The following SLC39A11 variants were observed in gnomAD, a reference collection of about 807,000 sequenced individuals.
The protein encoded by SLC39A11 is solute carrier family 39 member 11, also known as zinc transporter ZIP11.
SLC39A11 carries 33 observed loss-of-function variants against 36.1 expected under a neutral mutation model. The observed-to-expected ratio is 0.91, with a 90% CI of 0.69 to 1.22. The LOEUF (loss-of-function observed/expected upper bound fraction) is 1.22. Ranked by LOEUF, SLC39A11 falls within the 50% of genes most tolerant of loss-of-function variation. SLC39A11 has a pLI of 0.00. For synonymous variants in SLC39A11, 166 were observed against 170.3 expected (o/e 0.97, Z 0.20); for missense variants, 432 against 430.3 (o/e 1.00, Z -0.03).
At chr17:72,728,327 G>T (rs1256779326) in intron 7 of SLC39A11, among the ~76,000 whole-genome samples, 2 of 152,048 alleles carry the variant, frequency 1.3e-5, no homozygotes, top group African/African-American at 4.8e-5. Context: ...AGCCCCAGCT[G>T]CTTGGGAGGG....
At chr17:72,721,269 G>A (rs181450152) in intron 7 of SLC39A11, among the ~76,000 whole-genome samples, 1 of 152,000 alleles carries the variant, frequency 6.6e-6, no homozygotes, top group East Asian at 1.9e-4. Flanking sequence ...GCTAATTTTT[G>A]TATTTTTACT....
intron 3 of SLC39A11, among the ~76,000 whole-genome samples, chr17:73,080,598 C>T (rs1307415286): frequency 2.0e-5 from 3 of 152,088 alleles, no homozygotes; most frequent in Non-Finnish European, 4.4e-5. Context: ...GACCAAGAAC[C>T]CAAAAGCAAA....
chr17:72,909,724 GTCTT>G (rs1048700173), intron 5 of SLC39A11, among the ~76,000 whole-genome samples: 2 of 149,324 alleles, frequency 1.3e-5, no homozygotes, highest in African/African-American at 2.5e-5. Context: ...TTGCTCAACT[GTCTT>G]TCTTTCTTTT....
At chr17:73,043,209 T>G (rs2059165994) in intron 3 of SLC39A11, among the ~76,000 whole-genome samples, 1 of 152,170 alleles carries the variant, frequency 6.6e-6, no homozygotes, top group South Asian at 2.1e-4. Context: ...TTAGGAACTT[T>G]CTAGCTGGGA....
At chr17:72,959,732 T>A (rs1419213899) in intron 4 of SLC39A11, among the ~76,000 whole-genome samples, 1 of 152,076 alleles carries the variant, frequency 6.6e-6, no homozygotes, top group Non-Finnish European at 1.5e-5. Flanking sequence ...TTTTTTTAAA[T>A]ATATACTAAT....
chr17:72,696,121 T>C (rs76145472), intron 7 of SLC39A11, among the ~76,000 whole-genome samples: 3,089 of 152,074 alleles, frequency 0.02, 98 homozygotes, highest in African/African-American at 0.069. Flanking sequence ...AAAAAGTGTA[T>C]ATAATTACAG....
intron 7 of SLC39A11, among the ~76,000 whole-genome samples, chr17:72,675,505 A>C (rs1307650279): frequency 6.6e-6 from 1 of 152,174 alleles, no homozygotes; most frequent in African/African-American, 2.4e-5. Context: ...CAGTCAACAT[A>C]ATCTCCCAAC....
intron 5 of SLC39A11, among the ~76,000 whole-genome samples, chr17:72,908,693 G>A (rs984105229): frequency 3.3e-5 from 5 of 152,220 alleles, no homozygotes; most frequent in African/African-American, 1.2e-4. Context: ...GATGCTAGGT[G>A]CATGCCAAAT....
chr17:73,067,852 G>A (rs571181969), intron 3 of SLC39A11: 2 of 1,601,728 alleles, frequency 1.2e-6, no homozygotes, highest in Middle Eastern at 4.4e-4. Flanking sequence ...GTAGCAAGTT[G>A]ATTTTCTTTG....
At chr17:72,786,316 T>A (rs1165142795) in intron 6 of SLC39A11, among the ~76,000 whole-genome samples, 3 of 152,246 alleles carry the variant, frequency 2.0e-5, no homozygotes. Flanking sequence ...ATATCTTCGA[T>A]GCTGGCACTT....
intron 7 of SLC39A11, among the ~76,000 whole-genome samples, chr17:72,727,424 C>G (rs1403070907): frequency 6.6e-6 from 1 of 151,986 alleles, no homozygotes; most frequent in Non-Finnish European, 1.5e-5. Flanking sequence ...GAGGCCGAGG[C>G]GGGTGGATCA....
At chr17:72,677,266 A>G (rs1390624596) in intron 7 of SLC39A11, among the ~76,000 whole-genome samples, 4 of 152,212 alleles carry the variant, frequency 2.6e-5, no homozygotes, top group African/African-American at 4.8e-5. Context: ...GGCTAAGTAC[A>G]TAAAATCCAG....
intron 5 of SLC39A11, among the ~76,000 whole-genome samples, chr17:72,864,930 G>C (rs1252590566): frequency 1.3e-5 from 2 of 152,186 alleles, no homozygotes; most frequent in Non-Finnish European, 2.9e-5. Context: ...AGGGAGTAAA[G>C]ATGAAAGCAT....
At chr17:72,790,686 C>A (rs2076672072) in intron 6 of SLC39A11, among the ~76,000 whole-genome samples, 2 of 152,014 alleles carry the variant, frequency 1.3e-5, no homozygotes, top group Admixed American at 1.3e-4. Flanking sequence ...CATGTGCCAC[C>A]ACACCCAGCT....
chr17:72,760,464 A>C (rs766770043), intron 6 of SLC39A11, among the ~76,000 whole-genome samples: 4 of 152,198 alleles, frequency 2.6e-5, no homozygotes, highest in Non-Finnish European at 5.9e-5. Flanking sequence ...GGGCTCTGAA[A>C]CAGAGAGGTG....
At chr17:73,016,611 G>A (rs1460612108) in intron 4 of SLC39A11, among the ~76,000 whole-genome samples, 4 of 152,158 alleles carry the variant, frequency 2.6e-5, no homozygotes, top group Non-Finnish European at 4.4e-5. Context: ...TGGTATTACA[G>A]GCGTGAGCCA....
intron 4 of SLC39A11, among the ~76,000 whole-genome samples, chr17:72,967,370 CAGAG>C (rs72044418): frequency 0.053 from 5,853 of 110,132 alleles, 139 homozygotes; most frequent in Non-Finnish European, 0.072. Context: ...TAAGCATGCT[CAGAG>C]AGAGAGAGAG....
At chr17:72,925,244 A>G (rs560143397) in intron 5 of SLC39A11, among the ~76,000 whole-genome samples, 1 of 152,318 alleles carries the variant, frequency 6.6e-6, no homozygotes, top group East Asian at 1.9e-4. Flanking sequence ...TCTCTAGATG[A>G]ACAGCAACTA....
chr17:72,692,033 C>T (rs2344339), intron 7 of SLC39A11, among the ~76,000 whole-genome samples: 36,511 of 147,398 alleles, frequency 0.25, 4,860 homozygotes, highest in Non-Finnish European at 0.31. Context: ...TTTTTTGAGG[C>T]GGAGTCTCGC....
Sources: allele counts gnomAD v4.1 joint callset (sites outside exome capture counted in the v4.1 genomes callset), GRCh38; gene constraint gnomAD v4.1.1; transcripts MANE v1.5; gene names NCBI Gene and HGNC (gene_info 2026-07-23, HGNC 2026-07-21).